Variants in PLEKHA2 observed in about 807,000 individuals in gnomAD.
PLEKHA2 encodes the protein pleckstrin homology domain-containing family A member 2.
Under a neutral mutation model 53.2 loss-of-function variants are expected in PLEKHA2, and 28 were observed. The observed-to-expected ratio is 0.53, with a 90% confidence interval of 0.39 to 0.72. PLEKHA2 has a LOEUF of 0.72. Among genes scored for constraint, PLEKHA2 ranks in the 30% least tolerant of loss-of-function variants. PLEKHA2 has a pLI of 0.00. For synonymous variants in PLEKHA2, 193 were observed against 196.4 expected (o/e 0.98, Z 0.14); for missense variants, 426 against 537.9 (o/e 0.79, Z 2.06).
chr8:38,928,920 C>T (rs1834337817), intron 2 of PLEKHA2, among the ~76,000 whole-genome samples: 1 of 152,134 alleles, frequency 6.6e-6, no homozygotes, highest in Non-Finnish European at 1.5e-5. Context: ...TCACCTGGTG[C>T]CTGGGATTCG....
At chr8:38,945,225 G>A (rs1344809022) in intron 4 of PLEKHA2, among the ~76,000 whole-genome samples, 3 of 152,188 alleles carry the variant, frequency 2.0e-5, no homozygotes, top group Non-Finnish European at 4.4e-5. Context: ...TATCTGGGGT[G>A]GTTCTGAATG....
Position 38,911,067 on chromosome 8 carries a change from C to CT in PLEKHA2, c.-23-6839dup, listed in dbSNP as rs369729663. Among the ~76,000 whole-genome samples the CT allele has an allele frequency of 5.9e-5, 9 of 152,224 alleles. No individual in the cohort carries two copies. In the East Asian group the frequency reaches 1.7e-3, roughly 29 times the overall value. Reference sequence around the variant, plus strand: ...AGGTTTGGCTAGGGAAGATAGGGTGCTGAGTGGGTTGGATAGAGGCCCCTT... The same window carrying CT: ...AGGTTTGGCTAGGGAAGATAGGGTGCTTGAGTGGGTTGGATAGAGGCCCCTT... On this transcript the variant is annotated intron_variant, in intron 1 of 11. Coordinates refer to ENST00000617275, the MANE Select transcript of PLEKHA2 (RefSeq NM_021623.2).
intron 2 of PLEKHA2, among the ~76,000 whole-genome samples, chr8:38,918,423 C>A (rs62642078): frequency 4.1e-5 from 6 of 145,076 alleles, no homozygotes; most frequent in Non-Finnish European, 6.1e-5. Flanking sequence ...ATACACACAC[C>A]ACACACACCA....
chr8:38,957,211 C>A, intron 9 of PLEKHA2, 112 bp from the exon 10 acceptor site: 1 of 749,522 alleles, frequency 1.3e-6, no homozygotes. Flanking sequence ...CTTGGAACCA[C>A]CCCCCACCCA....
rs144013476 is a variant in PLEKHA2, at chr8:38,970,570, G to T, written c.*787G>T. On this transcript the variant is annotated 3_prime_UTR_variant, in exon 12 of 12. Transcript: ENST00000617275. ...CCAGTAGTTTGGGAGGCTGAGGCGG[G>T]TGGATCACCTGAGGTCAGGAGTTCG... 3.8e-3 allele frequency: 649 copies of T among 171,200 alleles called. 1 individual carries two copies. Among genetic ancestry groups the T allele is most frequent in the African/African-American group, 0.015 (627 of 41,716 alleles). 10.6% of individuals were successfully genotyped at this position (171,200 alleles called of 1,614,324 possible).
At chr8:38,953,041 A>C (rs891781046) in intron 8 of PLEKHA2, among the ~76,000 whole-genome samples, 1 of 152,024 alleles carries the variant, frequency 6.6e-6, no homozygotes, top group African/African-American at 2.4e-5. Context: ...GGATTTCACT[A>C]TGTTGCCCAG....
chr8:38,965,728 T>C (rs371433571), intron 10 of PLEKHA2, among the ~76,000 whole-genome samples: 4 of 152,176 alleles, frequency 2.6e-5, no homozygotes, highest in African/African-American at 9.7e-5. Flanking sequence ...GGTCTTCTTA[T>C]GGAGAGGGCA....
chr8:38,919,779 C>A (rs1834145563), intron 2 of PLEKHA2, among the ~76,000 whole-genome samples: 1 of 152,126 alleles, frequency 6.6e-6, no homozygotes, highest in Non-Finnish European at 1.5e-5. Flanking sequence ...TAGAACTGAG[C>A]CCCATGTTTC....
In PLEKHA2 at chr8:38,968,612, G is replaced by A; in HGVS notation, c.858G>A (p.Met286Ile). Residue 286 changes from methionine to isoleucine, a missense_variant, in exon 11 of 12, where the codon ATG becomes ATA. Met to Ile is a conservative substitution (Grantham distance 10). Coordinates refer to ENST00000617275, the MANE Select transcript of PLEKHA2 (RefSeq NM_021623.2). Reference protein sequence around the residue: ...FYVQADSPEDMHSWIKEIGAA... With the variant: ...FYVQADSPEDIHSWIKEIGAA... ...TGCAGGCAGACAGTCCAGAAGACAT[G>A]CACAGCTGGATTAAGGAGATTGGCG... 1.2e-6 allele frequency: 2 copies of A among 1,613,986 alleles called. No homozygotes were observed. Among genetic ancestry groups the A allele is most frequent in the Non-Finnish European group, 1.7e-6 (2 of 1,179,876 alleles).
At position 38,943,837 on chromosome 8, in the gene PLEKHA2, G is replaced by A; in HGVS notation, c.247G>A (p.Val83Ile). The A allele has an allele frequency of 6.3e-7, 1 of 1,581,562 alleles. No homozygotes were observed. Among genetic ancestry groups the A allele is most frequent in the South Asian group, 1.2e-5 (1 of 85,746 alleles). Residue 83 changes from valine (V) to isoleucine (I), a missense_variant and splice_region_variant, in exon 4 of 12, where the codon GTT (valine) becomes ATT (isoleucine). Coordinates refer to ENST00000617275, the MANE Select transcript of PLEKHA2 (RefSeq NM_021623.2). ...KQKPKTPFCFVINALSQRYFL... is the reference protein window; with the variant it reads ...KQKPKTPFCFIINALSQRYFL... ...GAAACCAAAAACTCCATTTTGCTTT[G>A]GTAAGTACTGAGCCAGGGGAGGGAC... is the stretch of plus-strand genomic sequence containing the variant.
At chr8:38,966,223 A>T (rs573435852) in intron 10 of PLEKHA2, among the ~76,000 whole-genome samples, 3 of 151,286 alleles carry the variant, frequency 2.0e-5, no homozygotes, top group Non-Finnish European at 2.9e-5. Flanking sequence ...GGGTGACAGG[A>T]AGGGGTAGGG....
chr8:38,944,285 C>A (rs577371338), intron 4 of PLEKHA2, among the ~76,000 whole-genome samples: 2 of 151,898 alleles, frequency 1.3e-5, no homozygotes, highest in Admixed American at 1.3e-4. Context: ...GAGGCCGAGG[C>A]GGGCAGATCA....
At chr8:38,921,036 G>T (rs1834183035) in intron 2 of PLEKHA2, among the ~76,000 whole-genome samples, 1 of 151,520 alleles carries the variant, frequency 6.6e-6, no homozygotes, top group Non-Finnish European at 1.5e-5. Context: ...CCTGACGTCA[G>T]GTGATCCACC....
At chr8:38,959,730 A>C (rs1445599367) in intron 10 of PLEKHA2, among the ~76,000 whole-genome samples, 2 of 152,248 alleles carry the variant, frequency 1.3e-5, no homozygotes. Flanking sequence ...TTTGAGAGAT[A>C]TTAAAAAGGT....
chr8:38,957,758 GCA>G (rs1834968779), intron 10 of PLEKHA2, among the ~76,000 whole-genome samples: 1 of 152,218 alleles, frequency 6.6e-6, no homozygotes, highest in Admixed American at 6.5e-5. Context: ...AAGGACAAAA[GCA>G]CAGAGGGCCC....
chr8:38,932,279 C>G (rs4509281), intron 2 of PLEKHA2, among the ~76,000 whole-genome samples: 1 of 152,038 alleles, frequency 6.6e-6, no homozygotes, highest in Non-Finnish European at 1.5e-5. Context: ...TACAGGTGTG[C>G]GCCACTGCAC....
chr8:38,959,943 A>G (rs373696541), intron 10 of PLEKHA2, among the ~76,000 whole-genome samples: 1 of 152,218 alleles, frequency 6.6e-6, no homozygotes, highest in South Asian at 2.1e-4. Context: ...GAGATGTGCT[A>G]TGAAGACCAT....
intron 2 of PLEKHA2, among the ~76,000 whole-genome samples, chr8:38,924,352 G>A (rs534512236): frequency 6.6e-6 from 1 of 152,252 alleles, no homozygotes; most frequent in East Asian, 1.9e-4. Context: ...GCTGAGACAG[G>A]GAGTCAGGCG....
In PLEKHA2 at chr8:38,922,346, A is replaced by G. The variant is rs144013418; in HGVS notation, c.141+4276A>G. On this transcript the variant is annotated intron_variant, in intron 2 of 11. Coordinates refer to ENST00000617275, the MANE Select transcript of PLEKHA2 (RefSeq NM_021623.2). The surrounding 1 kb of genome is among the most constrained non-coding windows in gnomAD (Gnocchi z 4.0). ...TTGATGAATATGTGTTCATTGAATG[A>G]AGGAATGAATGAGCCAGCTAAAGAG... is the stretch of plus-strand genomic sequence containing the variant. Among the ~76,000 whole-genome samples the G allele has an allele frequency of 3.8e-3, 578 of 152,278 alleles. 2 individuals carry two copies. Among genetic ancestry groups the G allele is most frequent in the Non-Finnish European group, 5.0e-3 (343 of 68,018 alleles).
Sources: gnomAD v4.1 joint callset for allele counts (sites outside exome capture counted in the v4.1 genomes callset) on GRCh38, gnomAD v4.1.1 for gene constraint, Gnocchi (gnomAD v3.1) non-coding constraint, MANE v1.5 for transcripts, NCBI Gene and HGNC (gene_info 2026-07-23, HGNC 2026-07-21) for gene names.